The following PPFIA2 variants were observed in gnomAD, a reference collection of about 807,000 sequenced individuals.
The protein encoded by PPFIA2 is PPFI scaffold protein A2.
A neutral mutation model predicts 175.5 loss-of-function variants in PPFIA2; 46 were observed. That is an observed-to-expected ratio of 0.26 (90% confidence interval 0.21 to 0.34). The LOEUF is 0.34. Ranked by LOEUF, PPFIA2 falls within the 10% of genes least tolerant of loss-of-function variation. PPFIA2 has a pLI of 1.00. For synonymous variants in PPFIA2, 568 were observed against 511.4 expected (o/e 1.11, Z -1.49); for missense variants, 1,179 against 1,506.1 (o/e 0.78, Z 3.60).
At chr12:81,557,412 A>T (rs1024157088) in intron 4 of PPFIA2, among the ~76,000 whole-genome samples, 5 of 151,972 alleles carry the variant, frequency 3.3e-5, no homozygotes, top group Non-Finnish European at 7.4e-5. Flanking sequence ...CCATATCTTA[A>T]ATGGATATTT....
At chr12:81,426,092 G>A (rs1421980275) in intron 7 of PPFIA2, among the ~76,000 whole-genome samples, 2 of 152,154 alleles carry the variant, frequency 1.3e-5, no homozygotes, top group Non-Finnish European at 2.9e-5. Context: ...TGACCAACTA[G>A]ATGATTTAGG....
chr12:81,617,149 A>G (rs576037346), intron 4 of PPFIA2, among the ~76,000 whole-genome samples: 1 of 152,338 alleles, frequency 6.6e-6, no homozygotes, highest in East Asian at 1.9e-4. Flanking sequence ...ATGTATGTAA[A>G]GCACTTTATG....
intron 4 of PPFIA2, among the ~76,000 whole-genome samples, chr12:81,574,243 A>T (rs981439279): frequency 2.6e-5 from 4 of 151,870 alleles, no homozygotes; most frequent in Non-Finnish European, 4.4e-5. Context: ...GCTTGCTAAT[A>T]TATTTTTCTT....
chr12:81,462,581 T>TAC (rs1291314565), intron 4 of PPFIA2, among the ~76,000 whole-genome samples: 5 of 37,884 alleles, frequency 1.3e-4, no homozygotes, highest in Non-Finnish European at 1.7e-4. Context: ...TATATATATA[T>TAC]ATACATATAT....
At chr12:81,615,755 T>C (rs1390409988) in intron 4 of PPFIA2, among the ~76,000 whole-genome samples, 2 of 152,134 alleles carry the variant, frequency 1.3e-5, no homozygotes, top group African/African-American at 4.8e-5. Context: ...CATATTCTTA[T>C]GCAACACTTT....
chr12:81,298,742 T>C (rs1327121955), intron 23 of PPFIA2, among the ~76,000 whole-genome samples: 2 of 152,230 alleles, frequency 1.3e-5, no homozygotes, highest in African/African-American at 4.8e-5. Flanking sequence ...GTACAGGAAA[T>C]GCTGAAAATA....
At chr12:81,715,070 G>A (rs1297523882) in intron 3 of PPFIA2, among the ~76,000 whole-genome samples, 2 of 150,998 alleles carry the variant, frequency 1.3e-5, no homozygotes, top group Non-Finnish European at 3.0e-5. Flanking sequence ...TGGCAGACAA[G>A]AGGAGGTCAA....
At position 81,692,498 on chromosome 12, in the gene PPFIA2, T is replaced by C. The variant is rs2075373859; in HGVS notation, c.250-15654A>G. On this transcript the variant is annotated intron_variant, in intron 3 of 32. Transcript: ENST00000549396. Reference sequence around the variant, plus strand: ...ATATTCATATATTTCTAATCTGTTATTGAGTTTTCTATGTTCACCATACAA... The same window carrying C: ...ATATTCATATATTTCTAATCTGTTACTGAGTTTTCTATGTTCACCATACAA... Among the ~76,000 whole-genome samples the C allele has an allele frequency of 4.6e-5, 7 of 152,198 alleles. 1 individual carries two copies. The highest frequency in any genetic ancestry group is 4.6e-4 in the Admixed American group (7 of 15,270).
intron 3 of PPFIA2, among the ~76,000 whole-genome samples, chr12:81,681,458 G>A (rs1175083689): frequency 6.6e-6 from 1 of 152,002 alleles, no homozygotes; most frequent in Non-Finnish European, 1.5e-5. Flanking sequence ...TCCAGGAAGA[G>A]TGAGGTGATC....
chr12:81,607,757 CT>C (rs984531342), intron 4 of PPFIA2, among the ~76,000 whole-genome samples: 9 of 152,040 alleles, frequency 5.9e-5, no homozygotes, highest in Non-Finnish European at 1.0e-4. Context: ...GATATTTTGA[CT>C]TTTTTTCATA....
intron 4 of PPFIA2, among the ~76,000 whole-genome samples, chr12:81,585,456 T>C (rs2075171361): frequency 6.6e-6 from 1 of 151,938 alleles, no homozygotes; most frequent in African/African-American, 2.4e-5. Context: ...AAATATTTTC[T>C]TTCTTTATAT....
intron 21 of PPFIA2, among the ~76,000 whole-genome samples, chr12:81,335,356 G>A (rs1177758837): frequency 3.3e-5 from 5 of 152,210 alleles, no homozygotes; most frequent in Non-Finnish European, 5.9e-5. Context: ...TATGTTCCAG[G>A]AAGTCAGCAG....
intron 3 of PPFIA2, among the ~76,000 whole-genome samples, chr12:81,741,890 G>C (rs2082370265): frequency 6.6e-6 from 1 of 152,062 alleles, no homozygotes; most frequent in Non-Finnish European, 1.5e-5. Flanking sequence ...ATGAGGAAGA[G>C]GGATGTAATA....
chr12:81,267,856 T>G (rs934798876), intron 29 of PPFIA2, 56 bp downstream of exon 29: 2 of 1,477,708 alleles, frequency 1.4e-6, no homozygotes. Context: ...TCTAAAAGTT[T>G]AGTTTATCAT....
At chr12:81,450,710 A>G in intron 5 of PPFIA2, among the ~76,000 whole-genome samples, 1 of 152,112 alleles carries the variant, frequency 6.6e-6, no homozygotes, top group Middle Eastern at 3.4e-3. Flanking sequence ...ATGAAGTCCT[A>G]TCATCCCTAT....
chr12:81,721,292 G>A (rs2079298937), intron 3 of PPFIA2, among the ~76,000 whole-genome samples: 1 of 151,174 alleles, frequency 6.6e-6, no homozygotes, highest in South Asian at 2.1e-4. Flanking sequence ...TACTCTCTAG[G>A]ACTATATATT....
chr12:81,369,546 C>A, intron 11 of PPFIA2: 2 of 704,208 alleles, frequency 2.8e-6, no homozygotes, highest in Non-Finnish European at 3.7e-6. Context: ...ATAAAAGTAA[C>A]ATAATTTTTA....
intron 4 of PPFIA2, among the ~76,000 whole-genome samples, chr12:81,650,279 G>A (rs2066838237): frequency 6.6e-6 from 1 of 151,844 alleles, no homozygotes; most frequent in Non-Finnish European, 1.5e-5. Flanking sequence ...AAAGTGCTGG[G>A]ATTACAGGCG....
rs192539699 is a variant in PPFIA2, at chr12:81,747,020, G to A, written c.249+6953C>T. ...TTTGCAAAATATTGGTGACATATAT[G>A]AGTGTACTTTATTTTAGGAAAACAA... On this transcript the variant is annotated intron_variant, in intron 3 of 32. Transcript: ENST00000549396. Among the ~76,000 whole-genome samples the A allele has an allele frequency of 1.5e-4, 21 of 144,000 alleles. 1 individual carries two copies. The highest frequency in any genetic ancestry group is 3.7e-4 in the Admixed American group (5 of 13,610). 94.5% of individuals were successfully genotyped at this position (144,000 alleles called of 152,430 possible). A position where few individuals can be genotyped will look rare whatever the true frequency, so the allele number is the denominator to read the frequency against.
Sources: gnomAD v4.1 joint callset for allele counts (sites outside exome capture counted in the v4.1 genomes callset) on GRCh38, gnomAD v4.1.1 for gene constraint, MANE v1.5 for transcripts, NCBI Gene and HGNC (gene_info 2026-07-23, HGNC 2026-07-21) for gene names.